The following GABRB1 variants were observed in gnomAD, a reference collection of about 807,000 sequenced individuals.
GABRB1 encodes the protein gamma-aminobutyric acid receptor subunit beta-1.
Under a neutral mutation model 51.6 loss-of-function variants are expected in GABRB1, and 17 were observed. The observed-to-expected ratio is 0.33, with a 90% confidence interval of 0.23 to 0.49. The LOEUF is 0.49. Ranked by LOEUF, GABRB1 falls within the 20% of genes least tolerant of loss-of-function variation. The probability of loss-of-function intolerance (pLI) is 0.99; values close to 1 mark genes in which losing one functional copy is unlikely to be tolerated. For synonymous variants in GABRB1, 247 were observed against 218.9 expected, an observed-to-expected ratio of 1.13 and a Z score of -1.14; for missense variants, 410 against 600.6, an observed-to-expected ratio of 0.68 and a Z score of 3.32.
At chr4:47,068,334 A>G (rs555301775) in intron 3 of GABRB1, among the ~76,000 whole-genome samples, 2 of 152,336 alleles carry the variant, frequency 1.3e-5, no homozygotes, top group South Asian at 2.1e-4. Context: ...AGTAGCATTT[A>G]AATTTGCTTC....
At chr4:46,999,831 C>T (rs578219550) in intron 1 of GABRB1, among the ~76,000 whole-genome samples, 46 of 152,336 alleles carry the variant, frequency 3.0e-4, no homozygotes, top group Admixed American at 1.5e-3. Flanking sequence ...TGAATATTCA[C>T]TGCATGTTTC....
At chr4:47,000,702 C>T (rs945569002) in intron 1 of GABRB1, among the ~76,000 whole-genome samples, 1 of 152,170 alleles carries the variant, frequency 6.6e-6, no homozygotes, top group African/African-American at 2.4e-5. Context: ...ATCTCTCTTC[C>T]CCCACCTCCC....
chr4:47,246,329 CATATGTACATAT>C (rs1280640716), intron 4 of GABRB1, among the ~76,000 whole-genome samples: 29 of 29,028 alleles, frequency 1.0e-3, no homozygotes, highest in Non-Finnish European at 1.6e-3. Context: ...CACACACACA[CATATGTACATAT>C]ATATATATAT....
intron 5 of GABRB1, among the ~76,000 whole-genome samples, chr4:47,399,699 G>T (rs945710844): frequency 1.3e-5 from 2 of 152,200 alleles, no homozygotes; most frequent in African/African-American, 2.4e-5. Flanking sequence ...TCTCTGGAAA[G>T]AAGTGGTATT....
chr4:47,134,946 A>G (rs1716574961), intron 3 of GABRB1, among the ~76,000 whole-genome samples: 1 of 152,136 alleles, frequency 6.6e-6, no homozygotes, highest in Non-Finnish European at 1.5e-5. Context: ...GTGAGACTTC[A>G]TCGCTACTTA....
chr4:47,036,262 AT>A (rs1725551676), intron 3 of GABRB1, among the ~76,000 whole-genome samples: 1 of 152,216 alleles, frequency 6.6e-6, no homozygotes, highest in African/African-American at 2.4e-5. Context: ...TGTTGTGGTT[AT>A]TTTAATATTA....
chr4:47,181,276 A>T (rs1190936621), intron 4 of GABRB1, among the ~76,000 whole-genome samples: 2 of 152,046 alleles, frequency 1.3e-5, no homozygotes, highest in Non-Finnish European at 2.9e-5. Context: ...GTTTTAGTTC[A>T]GGCTTCAGTT....
In GABRB1 at chr4:47,169,504, C is replaced by CTT. The variant is rs33940206; in HGVS notation, c.461+8048_461+8049dup. Among the ~76,000 whole-genome samples the CTT allele has an allele frequency of 2.2e-3, 309 of 143,630 alleles. 2 individuals are homozygous for CTT. Among genetic ancestry groups the CTT allele is most frequent in the African/African-American group, 7.5e-3 (295 of 39,438 alleles). The allele number at this position is 143,630 out of a possible 152,430, so 94.2% of individuals were successfully genotyped here. A position where few individuals can be genotyped will look rare whatever the true frequency, so the allele number is the denominator to read the frequency against. On this transcript the variant is annotated intron_variant, in intron 4 of 8. Coordinates refer to ENST00000295454, the MANE Select transcript of GABRB1 (RefSeq NM_000812.4). ...AAAGCCACCATAAATGTGGAAGGCA[C>CTT]TTTTTTTTTTTTTTGAGACTGAGTT...
chr4:47,059,868 T>G (rs756628284), intron 3 of GABRB1, among the ~76,000 whole-genome samples: 18 of 152,212 alleles, frequency 1.2e-4, no homozygotes, highest in Non-Finnish European at 1.9e-4. Context: ...CGCTTGCTGG[T>G]CATTTCCAAT....
At chr4:47,354,918 TGCCTGCCTGC>T (rs1726496532) in intron 5 of GABRB1, among the ~76,000 whole-genome samples, 2 of 50,228 alleles carry the variant, frequency 4.0e-5, no homozygotes, top group South Asian at 9.1e-4. Context: ...CCTGCCTGCC[TGCCTGCCTGC>T]CTGCCTGCCT....
intron 4 of GABRB1, among the ~76,000 whole-genome samples, chr4:47,315,335 A>G (rs1724845789): frequency 6.6e-6 from 1 of 152,002 alleles, no homozygotes; most frequent in African/African-American, 2.4e-5. Context: ...ATGTGATACC[A>G]TCTCACACCA....
chr4:47,142,167 G>A (rs1251542250), intron 3 of GABRB1, among the ~76,000 whole-genome samples: 2 of 151,850 alleles, frequency 1.3e-5, no homozygotes, highest in Non-Finnish European at 2.9e-5. Context: ...TGGGATGAAG[G>A]AATTAATCCA....
At chr4:47,015,087 T>C (rs1475220946) in intron 1 of GABRB1, among the ~76,000 whole-genome samples, 2 of 152,140 alleles carry the variant, frequency 1.3e-5, no homozygotes, top group African/African-American at 4.8e-5. Context: ...TTTGTATTTT[T>C]AGTAGAGACA....
chr4:47,364,323 A>C (rs1014724351), intron 5 of GABRB1, among the ~76,000 whole-genome samples: 2 of 152,202 alleles, frequency 1.3e-5, no homozygotes, highest in African/African-American at 4.8e-5. Flanking sequence ...TCATGTTGCC[A>C]AGCTTCTTGC....
chr4:47,228,418 G>A (rs1055959525), intron 4 of GABRB1, among the ~76,000 whole-genome samples: 12 of 151,470 alleles, frequency 7.9e-5, no homozygotes, highest in African/African-American at 2.4e-4. Flanking sequence ...GCTACCTCCA[G>A]AATTGAAAGA....
At chr4:47,077,706 A>G (rs929846550) in intron 3 of GABRB1, among the ~76,000 whole-genome samples, 1 of 151,196 alleles carries the variant, frequency 6.6e-6, no homozygotes, top group Admixed American at 6.6e-5. Context: ...CATATGAGAT[A>G]CTTTGTTCCA....
chr4:47,305,291 T>C (rs1423808909), intron 4 of GABRB1, among the ~76,000 whole-genome samples: 1 of 152,118 alleles, frequency 6.6e-6, no homozygotes, highest in African/African-American at 2.4e-5. Context: ...TGATCTGTAG[T>C]TGTTTATTTA....
chr4:47,134,237 A>G (rs550760528), intron 3 of GABRB1, among the ~76,000 whole-genome samples: 22 of 152,320 alleles, frequency 1.4e-4, no homozygotes, highest in African/African-American at 5.3e-4. Context: ...AATAAAGGTT[A>G]TGCTACAGTT....
At chr4:47,303,170 A>G (rs1160436745) in intron 4 of GABRB1, among the ~76,000 whole-genome samples, 1 of 151,970 alleles carries the variant, frequency 6.6e-6, no homozygotes, top group Non-Finnish European at 1.5e-5. Context: ...ACTATAAAGA[A>G]AGCACAGAAC....
Sources: gnomAD v4.1 joint callset for allele counts (sites outside exome capture counted in the v4.1 genomes callset) on GRCh38, gnomAD v4.1.1 for gene constraint, MANE v1.5 for transcripts, NCBI Gene and HGNC (gene_info 2026-07-23, HGNC 2026-07-21) for gene names.